ZNF148: variants seen among roughly 807,000 people sequenced by gnomAD.
ZNF148 encodes the protein zinc finger protein 148.
A neutral mutation model predicts 67.7 loss-of-function variants in ZNF148; 7 were observed. The ratio of observed to expected loss-of-function variants is 0.10; its 90% CI spans 0.06 to 0.19. ZNF148 has a LOEUF of 0.19. Among genes scored for constraint, ZNF148 ranks in the 10% least tolerant of loss-of-function variants. The pLI, the probability that ZNF148 is intolerant of heterozygous loss-of-function variation, is 1.00. For missense variants in ZNF148, 583 were observed against 947.1 expected (o/e 0.62, Z 5.05); for synonymous variants, 333 against 330.7 (o/e 1.01, Z -0.08).
chr3:125,271,325 C>T (rs573883003), intron 7 of ZNF148, among the ~76,000 whole-genome samples: 5 of 152,334 alleles, frequency 3.3e-5, no homozygotes, highest in African/African-American at 1.2e-4. Context: ...CACATCTTGC[C>T]TCTGCCCACT....
intron 7 of ZNF148, among the ~76,000 whole-genome samples, chr3:125,259,330 T>G (rs1051754967): frequency 6.6e-6 from 1 of 152,148 alleles, no homozygotes; most frequent in Non-Finnish European, 1.5e-5. Flanking sequence ...TTAGAATGAC[T>G]AAAATGAAAT....
At chr3:125,253,736 A>G (rs1469455518) in intron 7 of ZNF148, among the ~76,000 whole-genome samples, 2 of 152,158 alleles carry the variant, frequency 1.3e-5, no homozygotes, top group Non-Finnish European at 2.9e-5. Context: ...TGATATGTGA[A>G]TATTAAGCCA....
chr3:125,372,619 G>A (rs1441130236), intron 1 of ZNF148, among the ~76,000 whole-genome samples: 2 of 152,206 alleles, frequency 1.3e-5, no homozygotes, highest in Non-Finnish European at 2.9e-5. Flanking sequence ...GCAATAGGCA[G>A]GTGAGACAGG....
chr3:125,255,953 T>C (rs986333443), intron 7 of ZNF148, among the ~76,000 whole-genome samples: 1 of 152,144 alleles, frequency 6.6e-6, no homozygotes, highest in Admixed American at 6.5e-5. Context: ...TTTAACCTGC[T>C]TGGGATTAAT....
At chr3:125,324,486 CAG>C (rs1559757331) in intron 2 of ZNF148, among the ~76,000 whole-genome samples, 1 of 152,118 alleles carries the variant, frequency 6.6e-6, no homozygotes, top group Non-Finnish European at 1.5e-5. Flanking sequence ...AAAACAAAAA[CAG>C]AGTACAGGCT....
In ZNF148 at chr3:125,355,730, A is replaced by G. The variant is rs1430913431; in HGVS notation, c.-234+19372T>C. 3.9e-5 allele frequency among the ~76,000 whole-genome samples: 6 copies of G among 152,072 alleles called. No homozygotes were observed. The East Asian group carries it at 7.7e-4, about 20-fold the overall frequency. ...AGTGAGACCCCAGTCTCTATTTAAA[A>G]AAAAAAAAAAATTGCAACTCACATA... On this transcript the variant is annotated intron_variant, in intron 1 of 8. Coordinates refer to ENST00000360647, the MANE Select transcript of ZNF148 (RefSeq NM_021964.3).
chr3:125,278,539 T>G (rs1938197266), intron 6 of ZNF148, among the ~76,000 whole-genome samples: 1 of 152,126 alleles, frequency 6.6e-6, no homozygotes, highest in Admixed American at 6.5e-5. Flanking sequence ...TTTTTCTTGG[T>G]TCTCTAACCT....
intron 3 of ZNF148, among the ~76,000 whole-genome samples, chr3:125,321,986 A>C (rs1404214316): frequency 6.6e-6 from 1 of 151,200 alleles, no homozygotes; most frequent in Non-Finnish European, 1.5e-5. Context: ...GACTCATTCC[A>C]GAACAACAAC....
At chr3:125,256,909 A>G (rs932995762) in intron 7 of ZNF148, among the ~76,000 whole-genome samples, 8 of 149,626 alleles carry the variant, frequency 5.3e-5, no homozygotes, top group Admixed American at 4.7e-4. Context: ...ATCTTCCATT[A>G]AACTTATGTG....
intron 7 of ZNF148, among the ~76,000 whole-genome samples, chr3:125,275,934 C>G (rs1276599352): frequency 6.6e-6 from 1 of 152,198 alleles, no homozygotes; most frequent in African/African-American, 2.4e-5. Flanking sequence ...GCACATGTGT[C>G]TCTTCCTCAG....
intron 3 of ZNF148, among the ~76,000 whole-genome samples, chr3:125,318,210 A>C (rs1310900386): frequency 2.0e-5 from 3 of 152,138 alleles, no homozygotes; most frequent in African/African-American, 7.2e-5. Context: ...CAAATACAAC[A>C]AAAGGTCCCA....
intron 7 of ZNF148, among the ~76,000 whole-genome samples, chr3:125,243,758 T>C (rs2107532612): frequency 6.6e-6 from 1 of 152,290 alleles, no homozygotes; most frequent in Admixed American, 6.5e-5. Context: ...ATTCCTGGCC[T>C]CAAGTGATCC....
chr3:125,243,244 A>G (rs1936446561), intron 7 of ZNF148, among the ~76,000 whole-genome samples: 1 of 151,940 alleles, frequency 6.6e-6, no homozygotes, highest in Non-Finnish European at 1.5e-5. Context: ...CTTCTCATTG[A>G]TATTGTGAAA....
intron 7 of ZNF148, among the ~76,000 whole-genome samples, chr3:125,247,854 C>T (rs1219451682): frequency 6.6e-6 from 1 of 152,110 alleles, no homozygotes. Context: ...TCAGGAAGCC[C>T]TATGCACAAA....
intron 1 of ZNF148, among the ~76,000 whole-genome samples, chr3:125,362,037 CACT>C (rs1284774765): frequency 2.6e-5 from 4 of 152,198 alleles, no homozygotes; most frequent in South Asian, 2.1e-4. Flanking sequence ...CCATTATTCT[CACT>C]ATGCATCTCC....
chr3:125,342,130 T>A (rs1407268875), intron 1 of ZNF148, among the ~76,000 whole-genome samples: 26 of 147,096 alleles, frequency 1.8e-4, no homozygotes, highest in South Asian at 4.3e-4. Flanking sequence ...TACAGGGCAA[T>A]AAAAAAAAAA....
chr3:125,348,152 G>T (rs1435733381), intron 1 of ZNF148, among the ~76,000 whole-genome samples: 3 of 151,862 alleles, frequency 2.0e-5, no homozygotes. Flanking sequence ...CCAGCTACTC[G>T]GGAGGCTGTA....
intron 1 of ZNF148, among the ~76,000 whole-genome samples, chr3:125,352,662 TAAAAAAAA>T (rs34630272): frequency 7.2e-6 from 1 of 138,036 alleles, no homozygotes; most frequent in South Asian, 2.3e-4. Flanking sequence ...ACCTCTATCT[TAAAAAAAA>T]AAAAAAAAAA....
At chr3:125,356,843 C>G (rs942100112) in intron 1 of ZNF148, 1 of 152,112 alleles carries the variant, frequency 6.6e-6, no homozygotes, top group Admixed American at 6.5e-5. Context: ...GCCCCACAGC[C>G]CAATTCTGGA....
Sources: gnomAD v4.1 joint callset for allele counts (sites outside exome capture counted in the v4.1 genomes callset) on GRCh38, gnomAD v4.1.1 for gene constraint, MANE v1.5 for transcripts, NCBI Gene and HGNC (gene_info 2026-07-23, HGNC 2026-07-21) for gene names.